The following ASAP1 variants were observed in gnomAD, a reference collection of about 807,000 sequenced individuals.
ASAP1 encodes the protein arf-GAP with SH3 domain, ANK repeat and PH domain-containing protein 1.
Under a neutral mutation model 145.2 loss-of-function variants are expected in ASAP1, and 43 were observed. That is an observed-to-expected ratio of 0.30 (90% CI 0.23 to 0.38). The LOEUF is 0.38. Ranked by LOEUF, ASAP1 falls within the 10% of genes least tolerant of loss-of-function variation. ASAP1 has a pLI of 1.00. For synonymous variants in ASAP1, 546 were observed against 515.5 expected (o/e 1.06, Z -0.80); for missense variants, 1,018 against 1,355.3 (o/e 0.75, Z 3.91).
At chr8:130,126,139 AGT>A in intron 16 of ASAP1, 50 bp from the exon 17 acceptor site, 1 of 1,560,074 alleles carries the variant, frequency 6.4e-7, no homozygotes, top group Non-Finnish European at 8.7e-7. Context: ...ATCTAATTTT[AGT>A]GTGCCAACTA....
chr8:130,194,203 G>A (rs1049645058), intron 5 of ASAP1, among the ~76,000 whole-genome samples: 4 of 152,022 alleles, frequency 2.6e-5, no homozygotes, highest in Non-Finnish European at 5.9e-5. Context: ...AATTTACAAA[G>A]TCTTTCCAAC....
intron 3 of ASAP1, among the ~76,000 whole-genome samples, chr8:130,246,492 T>C (rs1007469377): frequency 6.6e-6 from 1 of 152,026 alleles, no homozygotes; most frequent in Non-Finnish European, 1.5e-5. Context: ...TAATAGTGAG[T>C]GAGTTCTCAC....
intron 3 of ASAP1, among the ~76,000 whole-genome samples, chr8:130,341,666 T>C (rs1484769273): frequency 6.6e-6 from 1 of 152,130 alleles, no homozygotes. Flanking sequence ...ATGAGGCTGG[T>C]GCAAAGATTA....
chr8:130,372,635 C>T (rs1292049305), intron 2 of ASAP1, among the ~76,000 whole-genome samples: 5 of 152,180 alleles, frequency 3.3e-5, no homozygotes, highest in African/African-American at 1.2e-4. Flanking sequence ...GAAACATTTG[C>T]AGGAAGAAAA....
rs944195410 is a variant in ASAP1, at chr8:130,112,377, A to T, written c.2173-55T>A. 3.3e-6 allele frequency: 5 copies of T among 1,513,430 alleles called. No homozygotes were observed. The Admixed American group carries it at 7.4e-5, about 22-fold the overall frequency. The allele number at this position is 1,513,430 out of a possible 1,614,324, so 93.8% of individuals were successfully genotyped here. A position where few individuals can be genotyped will look rare whatever the true frequency, so the allele number is the denominator to read the frequency against. On this transcript the variant is annotated intron_variant, in intron 23 of 29. Transcript: ENST00000518721. The stretch of plus-strand genomic sequence containing the variant: ...TAATCAAGGACCACCCTTCATGTGT[A>T]CAGAGGGCCTCCGCAGGGCGGGCTC...
Position 130,118,470 on chromosome 8 carries a change from G to C in ASAP1, c.1794+19C>G. On this transcript the variant is annotated intron_variant, in intron 19 of 29. Coordinates refer to ENST00000518721, the MANE Select transcript of ASAP1 (RefSeq NM_018482.4). ...TTTTCCACATTACTTTTTATCCAAT[G>C]ATTTTAGTGAGGCCTTACCTGCCCA... is the stretch of plus-strand genomic sequence containing the variant. The C allele has an allele frequency of 6.3e-7, 1 of 1,582,500 alleles. No individual in the cohort carries two copies. The highest frequency in any genetic ancestry group is 8.6e-7 in the Non-Finnish European group (1 of 1,162,930).
At chr8:130,194,732 G>T (rs1362542981) in intron 5 of ASAP1, among the ~76,000 whole-genome samples, 1 of 152,134 alleles carries the variant, frequency 6.6e-6, no homozygotes, top group Admixed American at 6.5e-5. Context: ...TCACAACAGG[G>T]TTTGCGCTGC....
At chr8:130,160,443 G>C (rs1412777777) in intron 11 of ASAP1, among the ~76,000 whole-genome samples, 4 of 152,172 alleles carry the variant, frequency 2.6e-5, no homozygotes, top group Non-Finnish European at 5.9e-5. Flanking sequence ...TCTAAGCAAG[G>C]TTTTAACAAT....
chr8:130,151,710 A>G (rs1019326310), intron 13 of ASAP1, among the ~76,000 whole-genome samples: 11 of 152,248 alleles, frequency 7.2e-5, no homozygotes, highest in Non-Finnish European at 1.5e-4. Flanking sequence ...CTGGGCCACA[A>G]GTGTATACTA....
In ASAP1 at chr8:130,160,175, G is replaced by A. The variant is rs571755375; in HGVS notation, c.910-211C>T. ...AAAGCAAGTCCGAGGCAGAGCTGGG[G>A]TCTGGGTCTCTGATTTCTAGTTCAA... On this transcript the variant is annotated intron_variant, in intron 11 of 29. Transcript: ENST00000518721. The A allele has an allele frequency of 1.1e-3, 604 of 535,204 alleles. 5 individuals carry two copies. Among genetic ancestry groups the A allele is most frequent in the South Asian group, 6.7e-3 (322 of 47,958 alleles). 33.2% of individuals were successfully genotyped at this position (535,204 alleles called of 1,614,324 possible).
At chr8:130,118,283 T>C (rs775099854) in intron 19 of ASAP1, 37 bp from the exon 20 acceptor site, 2 of 1,595,276 alleles carry the variant, frequency 1.3e-6, no homozygotes, top group East Asian at 2.2e-5. Context: ...AAGTCAATAA[T>C]ATGCTCTGCC....
rs80134793 is a variant in ASAP1, at chr8:130,357,708, G to A, written c.186+309C>T. Among the ~76,000 whole-genome samples the A allele has an allele frequency of 1.6e-3, 249 of 152,358 alleles. 1 individual carries two copies. Among genetic ancestry groups the A allele is most frequent in the East Asian group, 9.8e-3 (51 of 5,190 alleles). The stretch of plus-strand genomic sequence containing the variant: ...TCGAGGGTTACAGGAGGGTCACGAA[G>A]ATGTGGAAGCGCCGAACAGTGCATG... On this transcript the variant is annotated intron_variant, in intron 3 of 29. Coordinates refer to ENST00000518721, the MANE Select transcript of ASAP1 (RefSeq NM_018482.4).
At chr8:130,284,360 G>A (rs1821460181) in intron 3 of ASAP1, among the ~76,000 whole-genome samples, 1 of 152,136 alleles carries the variant, frequency 6.6e-6, no homozygotes, top group Non-Finnish European at 1.5e-5. Context: ...GGATTCAAGT[G>A]ACTATAGTGT....
At chr8:130,233,596 A>G (rs1475450196) in intron 4 of ASAP1, among the ~76,000 whole-genome samples, 2 of 152,034 alleles carry the variant, frequency 1.3e-5, no homozygotes, top group South Asian at 2.1e-4. Flanking sequence ...TCCAAGTGGT[A>G]CTCCCTTAGC....
chr8:130,281,166 T>C (rs771646635), intron 3 of ASAP1, among the ~76,000 whole-genome samples: 21 of 152,098 alleles, frequency 1.4e-4, no homozygotes, highest in Non-Finnish European at 2.4e-4. Context: ...ATAAACTCAA[T>C]TACCTTATCT....
At chr8:130,266,638 C>T (rs1206422625) in intron 3 of ASAP1, among the ~76,000 whole-genome samples, 1 of 151,786 alleles carries the variant, frequency 6.6e-6, no homozygotes, top group Non-Finnish European at 1.5e-5. Context: ...ATACAATCTA[C>T]CATGGGAGAG....
intron 2 of ASAP1, among the ~76,000 whole-genome samples, chr8:130,379,865 A>G (rs1827684666): frequency 6.6e-6 from 1 of 152,124 alleles, no homozygotes; most frequent in Admixed American, 6.5e-5. Flanking sequence ...TGTGGCAGCT[A>G]GAGGCACTAG....
intron 25 of ASAP1, among the ~76,000 whole-genome samples, chr8:130,091,197 C>T (rs2097504741): frequency 6.6e-6 from 1 of 152,184 alleles, no homozygotes. Context: ...CCAGTAAACA[C>T]TGGTGAGAAC....
chr8:130,428,247 T>C (rs1210949439), intron 1 of ASAP1, among the ~76,000 whole-genome samples: 1 of 151,632 alleles, frequency 6.6e-6, no homozygotes, highest in African/African-American at 2.4e-5. Context: ...CCTAGTATAA[T>C]ACCAACGAAG....
Sources: allele counts gnomAD v4.1 joint callset (sites outside exome capture counted in the v4.1 genomes callset), GRCh38; gene constraint gnomAD v4.1.1; transcripts MANE v1.5; gene names NCBI Gene and HGNC (gene_info 2026-07-23, HGNC 2026-07-21).